The following TMEM131L variants were observed in gnomAD, a reference collection of about 807,000 sequenced individuals.
TMEM131L encodes the protein transmembrane 131 like, also known as transmembrane protein 131-like.
TMEM131L carries 54 observed loss-of-function variants against 192.2 expected under a neutral mutation model. That is an observed-to-expected ratio of 0.28 (90% confidence interval 0.23 to 0.35). The LOEUF (loss-of-function observed/expected upper bound fraction) is 0.35, where lower values mean the gene tolerates loss of function less well. Among genes scored for constraint, TMEM131L ranks in the 10% least tolerant of loss-of-function variants. The pLI, the probability that TMEM131L is intolerant of heterozygous loss-of-function variation, is 1.00. For synonymous variants in TMEM131L, 701 were observed against 704.9 expected (o/e 0.99, Z 0.09); for missense variants, 1,888 against 1,972.9 (o/e 0.96, Z 0.82).
At position 153,510,368 on chromosome 4, in the gene TMEM131L, G is replaced by A. The variant is rs566791476; in HGVS notation, c.239+36480G>A. ...GTGTTAATCAGTTCTAACACTGACC[G>A]TCCTGAGAAAATGCCTATGGCCCAG... On this transcript the variant is annotated intron_variant, in intron 3 of 34. Transcript: ENST00000409959. Among the ~76,000 whole-genome samples the A allele has an allele frequency of 3.9e-5, 6 of 152,242 alleles. No individual in the cohort carries two copies. In the South Asian group the frequency reaches 1.2e-3, roughly 32 times the overall value.
chr4:153,522,038 C>T (rs780681562), intron 3 of TMEM131L, among the ~76,000 whole-genome samples: 1 of 152,122 alleles, frequency 6.6e-6, no homozygotes, highest in Non-Finnish European at 1.5e-5. Context: ...AAAGCAGAAT[C>T]GTTTAGAGTG....
At chr4:153,505,094 T>C (rs1400332302) in intron 3 of TMEM131L, among the ~76,000 whole-genome samples, 1 of 150,562 alleles carries the variant, frequency 6.6e-6, no homozygotes, top group Non-Finnish European at 1.5e-5. Context: ...CAACTTTCCA[T>C]TTCTTTCTTT....
rs776052500 is a variant in TMEM131L at position 153,604,442 on chromosome 4, A to G, written c.3418+12A>G. 8 of 1,585,606 alleles carry G rather than the reference A, an allele frequency of 5.0e-6. No individual in the cohort carries two copies. In the Admixed American group the frequency reaches 5.5e-5, roughly 11 times the overall value. On this transcript the variant is annotated intron_variant, in intron 25 of 34. Transcript: ENST00000409959. ...CAGGAAAAATAATGGTAATCTTTTC[A>G]TCCCCTTTGATAATTCTCTCCTGTT...
intron 23 of TMEM131L, 22 bp from the exon 24 acceptor site, chr4:153,603,281 A>C (rs1445093113): frequency 1.2e-6 from 2 of 1,609,714 alleles, no homozygotes; most frequent in African/African-American, 2.7e-5. Flanking sequence ...GCAATACTGA[A>C]CCTTGTTGCT....
chr4:153,508,253 C>T (rs1734116399), intron 3 of TMEM131L, among the ~76,000 whole-genome samples: 1 of 152,118 alleles, frequency 6.6e-6, no homozygotes, highest in African/African-American at 2.4e-5. Context: ...TTATACCCAA[C>T]TCTATGTTGT....
At chr4:153,522,518 C>T (rs900790412) in intron 3 of TMEM131L, among the ~76,000 whole-genome samples, 2 of 152,142 alleles carry the variant, frequency 1.3e-5, no homozygotes, top group African/African-American at 2.4e-5. Context: ...TTCCAGGAAG[C>T]GTGACCCTTC....
intron 2 of TMEM131L, among the ~76,000 whole-genome samples, chr4:153,468,460 A>G (rs1389989533): frequency 8.7e-6 from 1 of 114,394 alleles, no homozygotes; most frequent in African/African-American, 5.7e-5. Flanking sequence ...ATTTTAAATA[A>G]TATACATGTG....
At chr4:153,598,082 T>C (rs1731571187) in intron 20 of TMEM131L, among the ~76,000 whole-genome samples, 1 of 152,202 alleles carries the variant, frequency 6.6e-6, no homozygotes, top group African/African-American at 2.4e-5. Context: ...ATTTTAAATC[T>C]TCACTTCAAA....
intron 26 of TMEM131L, among the ~76,000 whole-genome samples, chr4:153,613,780 C>T (rs1362133371): frequency 6.6e-6 from 1 of 152,012 alleles, no homozygotes; most frequent in Non-Finnish European, 1.5e-5. Flanking sequence ...TAATGGGAGA[C>T]CCTAGTTATT....
intron 22 of TMEM131L, 91 bp downstream of exon 22, chr4:153,602,429 T>A: frequency 6.6e-7 from 1 of 1,523,168 alleles, no homozygotes; most frequent in Non-Finnish European, 9.0e-7. Context: ...ACATCTTATG[T>A]TGTTTTAATG....
At chr4:153,530,306 C>T (rs932190308) in intron 3 of TMEM131L, among the ~76,000 whole-genome samples, 5 of 151,912 alleles carry the variant, frequency 3.3e-5, no homozygotes, top group Non-Finnish European at 7.4e-5. Context: ...GGAAAAGAGC[C>T]GGTTTATTGG....
chr4:153,571,995 TTC>T (rs1376340832), intron 7 of TMEM131L, among the ~76,000 whole-genome samples: 1 of 152,264 alleles, frequency 6.6e-6, no homozygotes, highest in African/African-American at 2.4e-5. Flanking sequence ...GTATCTCCAC[TTC>T]TCTTTTTATA....
At chr4:153,505,269 G>A (rs1221901035) in intron 3 of TMEM131L, among the ~76,000 whole-genome samples, 2 of 151,744 alleles carry the variant, frequency 1.3e-5, no homozygotes, top group Non-Finnish European at 2.9e-5. Flanking sequence ...ACCACACCCC[G>A]GTAATTTTTG....
chr4:153,536,998 C>T (rs1736385830), intron 3 of TMEM131L, among the ~76,000 whole-genome samples: 1 of 152,162 alleles, frequency 6.6e-6, no homozygotes. Flanking sequence ...GCTGCGCTGG[C>T]AGCTGATTAG....
At chr4:153,631,878 C>T (rs1188055069) in intron 31 of TMEM131L, among the ~76,000 whole-genome samples, 2 of 152,230 alleles carry the variant, frequency 1.3e-5, no homozygotes, top group Non-Finnish European at 2.9e-5. Context: ...ACTCCCCAGG[C>T]ACACCTTGCT....
chr4:153,626,422 T>C (rs1733846806), intron 30 of TMEM131L, among the ~76,000 whole-genome samples, 197 bp downstream of exon 30: 1 of 152,162 alleles, frequency 6.6e-6, no homozygotes, highest in African/African-American at 2.4e-5. Context: ...GGCTCAGGTA[T>C]CGCTATTTTT....
intron 3 of TMEM131L, among the ~76,000 whole-genome samples, chr4:153,526,474 C>G (rs546926184): frequency 3.9e-5 from 6 of 152,150 alleles, no homozygotes; most frequent in African/African-American, 1.4e-4. Flanking sequence ...GTGGCTCACA[C>G]CTGTAATCCT....
At chr4:153,582,430 G>GTTTTTT (rs1561212531) in intron 9 of TMEM131L, among the ~76,000 whole-genome samples, 10 of 38,508 alleles carry the variant, frequency 2.6e-4, no homozygotes, top group Non-Finnish European at 2.8e-4. Flanking sequence ...GTTTTTTTTT[G>GTTTTTT]TTGTTTTTTT....
chr4:153,508,595 A>C (rs1734140866), intron 3 of TMEM131L, among the ~76,000 whole-genome samples: 1 of 152,132 alleles, frequency 6.6e-6, no homozygotes, highest in South Asian at 2.1e-4. Flanking sequence ...TTTTCCACTA[A>C]ATAGACTCCC....
Sources: gnomAD v4.1 joint callset for allele counts (sites outside exome capture counted in the v4.1 genomes callset) on GRCh38, gnomAD v4.1.1 for gene constraint, MANE v1.5 for transcripts, NCBI Gene and HGNC (gene_info 2026-07-23, HGNC 2026-07-21) for gene names.